The following MTUS2 variants were observed in gnomAD, a reference collection of about 807,000 sequenced individuals.
MTUS2 encodes the protein microtubule-associated tumor suppressor candidate 2.
In MTUS2, 40 loss-of-function variants were observed where a neutral mutation model predicts 114.1. The ratio of observed to expected loss-of-function variants is 0.35; its 90% CI spans 0.27 to 0.46. The LOEUF is 0.46. Ranked by LOEUF, MTUS2 falls within the 20% of genes least tolerant of loss-of-function variation. The pLI is 1.00. For missense variants in MTUS2, 1,679 were observed against 1,705.4 expected (o/e 0.98, Z 0.27); for synonymous variants, 688 against 672.0 (o/e 1.02, Z -0.37).
chr13:29,332,605 G>GAAT (rs925337308), intron 7 of MTUS2, among the ~76,000 whole-genome samples: 5 of 146,124 alleles, frequency 3.4e-5, no homozygotes, highest in Non-Finnish European at 7.5e-5. Flanking sequence ...GCTAGCTTTT[G>GAAT]AATTTGTTTG....
At chr13:29,038,078 G>A (rs987353846) in intron 4 of MTUS2, among the ~76,000 whole-genome samples, 1 of 152,060 alleles carries the variant, frequency 6.6e-6, no homozygotes, top group African/African-American at 2.4e-5. Context: ...ATGATCCTTT[G>A]GAGGACAAGA....
chr13:29,100,970 C>T lies in MTUS2; in HGVS notation c.2644C>T (p.Arg882Cys), dbSNP rs754013592. The T allele has an allele frequency of 2.4e-5, 37 of 1,537,830 alleles. No individual in the cohort carries two copies. Among genetic ancestry groups the T allele is most frequent in the South Asian group, 1.9e-4 (16 of 84,268 alleles). The stretch of plus-strand genomic sequence containing the variant: ...GCCAGAGCAGGGCCGGCCAGCCACC[C>T]GTAAGTGGGGTGGGGCAGGGTGGGG... ...AQPEQGRPATRSTFGNEEQPV... is the reference protein window; with the variant it reads ...AQPEQGRPATCSTFGNEEQPV... Residue 882 changes from arginine to cysteine, a missense_variant and splice_region_variant, in exon 5 of 16, where the codon CGT (arginine) becomes TGT (cysteine). Arg to Cys is a radical substitution (Grantham distance 180). Transcript: ENST00000612955.
At chr13:29,050,456 T>G (rs1425126731) in intron 4 of MTUS2, among the ~76,000 whole-genome samples, 2 of 152,124 alleles carry the variant, frequency 1.3e-5, no homozygotes, top group South Asian at 4.2e-4. Context: ...ACTCTCACTT[T>G]CCTTTTGTCT....
intron 6 of MTUS2, among the ~76,000 whole-genome samples, chr13:29,294,657 C>A (rs1898863708): frequency 6.6e-6 from 1 of 152,124 alleles, no homozygotes. Context: ...AAACAAGGCA[C>A]AAGTTTCCAA....
intron 9 of MTUS2, among the ~76,000 whole-genome samples, chr13:29,447,746 T>C (rs564441070): frequency 3.2e-4 from 49 of 152,032 alleles, no homozygotes; most frequent in African/African-American, 1.2e-3. Context: ...GTGGTGGTGG[T>C]TGTGGGGATT....
intron 2 of MTUS2, among the ~76,000 whole-genome samples, chr13:28,848,431 C>A (rs1876029545): frequency 6.6e-6 from 1 of 151,754 alleles, no homozygotes; most frequent in Non-Finnish European, 1.5e-5. Flanking sequence ...AATTGCTGTT[C>A]TGAAAAATAG....
chr13:29,392,148 A>AAACC (rs1873545364), intron 8 of MTUS2, among the ~76,000 whole-genome samples: 1 of 4,892 alleles, frequency 2.0e-4, no homozygotes, highest in Non-Finnish European at 7.1e-3. Context: ...AAACAAACCA[A>AAACC]AAAAAAAAAA....
chr13:29,437,978 T>A (rs554538748), intron 8 of MTUS2, among the ~76,000 whole-genome samples: 56 of 151,094 alleles, frequency 3.7e-4, no homozygotes, highest in African/African-American at 1.2e-3. Context: ...AAGACTGATA[T>A]GCAAATTCTA....
chr13:28,937,480 C>T (rs920179413), intron 2 of MTUS2, among the ~76,000 whole-genome samples: 13 of 152,144 alleles, frequency 8.5e-5, no homozygotes, highest in Admixed American at 8.5e-4. Context: ...TTTCGCTTTT[C>T]ACAATAGATC....
intron 6 of MTUS2, among the ~76,000 whole-genome samples, chr13:29,323,875 G>T (rs997998990): frequency 6.6e-6 from 1 of 152,182 alleles, no homozygotes; most frequent in Non-Finnish European, 1.5e-5. Flanking sequence ...GCCAAGGCAG[G>T]TTTGGGTTAA....
chr13:28,828,052 C>T (rs1282398728), intron 1 of MTUS2, among the ~76,000 whole-genome samples: 1 of 152,162 alleles, frequency 6.6e-6, no homozygotes, highest in African/African-American at 2.4e-5. Context: ...CTACGGGAGA[C>T]TGGGGCTTAT....
chr13:28,933,161 ACAGATT>A lies in MTUS2; in HGVS notation c.-242-91295_-242-91290del, dbSNP rs1019293626. 5.8e-5 allele frequency among the ~76,000 whole-genome samples: 8 copies of A among 137,766 alleles called. No homozygotes were observed. In the South Asian group the frequency reaches 6.8e-4, roughly 12 times the overall value. 90.4% of individuals were successfully genotyped at this position (137,766 alleles called of 152,430 possible). On this transcript the variant is annotated intron_variant, in intron 2 of 15. Transcript: ENST00000612955. ...CACACACACACACACACACACACAC[ACAGATT>A]GATTGATCTGTTAACTTATCTATTT...
At position 29,109,866 on chromosome 13, in the gene MTUS2, C is replaced by T. The variant is rs59960755; in HGVS notation, c.2644+8896C>T. On this transcript the variant is annotated intron_variant, in intron 5 of 15. Coordinates refer to ENST00000612955, the MANE Select transcript of MTUS2 (RefSeq NM_001033602.4). ...TCTGCTGACATCTGAGTCAGGCAGA[C>T]GACATATATTCTAGTTTTGAATTTT... 5.0e-3 allele frequency among the ~76,000 whole-genome samples: 758 copies of T among 152,230 alleles called. 6 individuals are homozygous for T. The highest frequency in any genetic ancestry group is 0.017 in the African/African-American group (698 of 41,546).
At position 29,502,976 on chromosome 13, in the gene MTUS2, T is replaced by C; in HGVS notation, c.3897-17T>C. On this transcript the variant is annotated splice_polypyrimidine_tract_variant and intron_variant, in intron 15 of 15. Transcript: ENST00000612955. ...CACTAGCATGATTGCTACTTATTTG[T>C]CATTGTGCCCATGCAGACAGCTGTC... 6.2e-7 allele frequency: 1 copy of C among 1,612,618 alleles called. No individual in the cohort carries two copies. The highest frequency in any genetic ancestry group is 8.5e-7 in the Non-Finnish European group (1 of 1,178,952).
intron 8 of MTUS2, among the ~76,000 whole-genome samples, chr13:29,403,980 G>T (rs758924413): frequency 1.3e-5 from 2 of 150,606 alleles, no homozygotes; most frequent in Non-Finnish European, 2.9e-5. Context: ...TCCCATCTTT[G>T]TATACCTATA....
chr13:29,232,125 G>T (rs1896347093), intron 5 of MTUS2, among the ~76,000 whole-genome samples: 1 of 152,154 alleles, frequency 6.6e-6, no homozygotes, highest in Admixed American at 6.5e-5. Flanking sequence ...CCTCACTGCA[G>T]CTAGGTATCA....
chr13:28,902,221 T>A (rs1486481588), intron 2 of MTUS2, among the ~76,000 whole-genome samples: 1 of 152,192 alleles, frequency 6.6e-6, no homozygotes, highest in East Asian at 1.9e-4. Flanking sequence ...CAGGAGATTT[T>A]AAAAAATAGT....
chr13:29,119,992 CATAA>C (rs1891240041), intron 5 of MTUS2, among the ~76,000 whole-genome samples: 1 of 152,090 alleles, frequency 6.6e-6, no homozygotes, highest in Non-Finnish European at 1.5e-5. Flanking sequence ...GGGCATAGGA[CATAA>C]ATAAATGCAC....
intron 12 of MTUS2, among the ~76,000 whole-genome samples, 199 bp from the exon 13 acceptor site, chr13:29,497,039 C>T (rs1372285310): frequency 1.3e-5 from 2 of 152,016 alleles, no homozygotes; most frequent in Non-Finnish European, 2.9e-5. Flanking sequence ...AGGAGGGAGC[C>T]GAGGGCAGGC....
Sources: allele counts gnomAD v4.1 joint callset (sites outside exome capture counted in the v4.1 genomes callset), GRCh38; gene constraint gnomAD v4.1.1; transcripts MANE v1.5; gene names NCBI Gene and HGNC (gene_info 2026-07-23, HGNC 2026-07-21).